Variants in MID2 observed in about 807,000 individuals in gnomAD.
MID2 encodes midline 2.
A neutral mutation model predicts 46.1 loss-of-function variants in MID2; 13 were observed. The observed-to-expected ratio is 0.28, with a 90% confidence interval of 0.18 to 0.45. The LOEUF (loss-of-function observed/expected upper bound fraction) is 0.45. Among genes scored for constraint, MID2 ranks in the 20% least tolerant of loss-of-function variants. The pLI is 1.00. For missense variants in MID2, 431 were observed against 575.4 expected (o/e 0.75, Z 2.57); for synonymous variants, 199 against 212.3 (o/e 0.94, Z 0.55).
At chrX:107,851,011 G>A (rs1054216954) in intron 2 of MID2, among the ~76,000 whole-genome samples, 4 of 112,029 alleles carry the variant, frequency 3.6e-5, no homozygotes, top group Non-Finnish European at 5.6e-5. Context: ...TTTGCTTGGC[G>A]TTCATCAATC....
At chrX:107,883,712 A>G in intron 3 of MID2, among the ~76,000 whole-genome samples, 1 of 112,278 alleles carries the variant, frequency 8.9e-6, no homozygotes, top group Non-Finnish European at 1.9e-5. Context: ...CCTTTTCATT[A>G]CATTGTTTGA....
intron 3 of MID2, among the ~76,000 whole-genome samples, chrX:107,876,484 G>A (rs1472244646): frequency 9.0e-6 from 1 of 111,173 alleles, no homozygotes; most frequent in East Asian, 2.8e-4. Context: ...GGGTAGCTTC[G>A]TATAACTGAG....
chrX:107,843,603 G>C (rs1026860462), intron 2 of MID2, among the ~76,000 whole-genome samples: 3 of 111,330 alleles, frequency 2.7e-5, no homozygotes, highest in Non-Finnish European at 5.7e-5. Context: ...CCAACTGTGT[G>C]GTTCGTTATG....
intron 5 of MID2, among the ~76,000 whole-genome samples, chrX:107,911,877 C>T (rs908076425): frequency 1.8e-5 from 2 of 111,610 alleles, no homozygotes; most frequent in African/African-American, 6.5e-5. Context: ...GGAGGGGCAG[C>T]GGTGTGGAAG....
rs1933196276 is a variant in MID2, at chrX:107,927,144, G to A, written c.*71G>A. 3.2e-6 allele frequency: 3 copies of A among 951,063 alleles called. No individual in the cohort carries two copies. The highest frequency in any genetic ancestry group is 3.1e-5 in the East Asian group (1 of 31,997). The allele number at this position is 951,063 out of a possible 1,213,427, so 78.4% of individuals were successfully genotyped here. On this transcript the variant is annotated 3_prime_UTR_variant, in exon 10 of 10. Transcript: ENST00000262843. ...CTTCCCCTCCTACACCTAAGTTAGCGTTCAATATACGAGACACAAAATAAA... is the reference window on the plus strand; with the variant it reads ...CTTCCCCTCCTACACCTAAGTTAGCATTCAATATACGAGACACAAAATAAA...
chrX:107,857,496 G>A (rs1931765809), intron 3 of MID2, among the ~76,000 whole-genome samples: 1 of 111,651 alleles, frequency 9.0e-6, no homozygotes, highest in African/African-American at 3.3e-5. Flanking sequence ...GCCCAGGCTG[G>A]TCTTGAACTC....
rs775118685 is a variant in MID2, at chrX:107,905,531, T to G, written c.978T>G (p.Leu326=). Residue 326 remains leucine (L), a synonymous_variant, in exon 5 of 10, where the codon CTT becomes CTG. Transcript: ENST00000262843. ...AQQVANCRQC[L]ERSTVLINQA... is the part of the protein sequence containing the mutation. ...AGGTTGCTAATTGCCGCCAGTGTCTTGAACGGTCAACAGTCCTCATCAACC... is the reference window on the plus strand; with the variant it reads ...AGGTTGCTAATTGCCGCCAGTGTCTGGAACGGTCAACAGTCCTCATCAACC... The G allele has an allele frequency of 5.0e-6, 6 of 1,206,936 alleles. No individual in the cohort carries two copies. In the African/African-American group the frequency reaches 1.1e-4, roughly 21 times the overall value.
At chrX:107,834,476 C>T (rs1317736144) in intron 1 of MID2, among the ~76,000 whole-genome samples, 1 of 112,301 alleles carries the variant, frequency 8.9e-6, no homozygotes, top group East Asian at 2.8e-4. Context: ...CCTTAGCATA[C>T]TCTCTAACTC....
intron 3 of MID2, among the ~76,000 whole-genome samples, chrX:107,902,935 C>T (rs773315392): frequency 1.8e-5 from 2 of 110,922 alleles, no homozygotes; most frequent in African/African-American, 3.3e-5. Flanking sequence ...GAACCTCGCC[C>T]GCCCACCCAG....
chrX:107,865,356 A>T (rs1405040601), intron 3 of MID2, among the ~76,000 whole-genome samples: 1 of 112,560 alleles, frequency 8.9e-6, no homozygotes, highest in African/African-American at 3.2e-5. Flanking sequence ...TCTCCAGAGC[A>T]TGCATCATAA....
rs1931452087 is a variant in MID2 at position 107,845,558 on chromosome X, C to T, written c.720+4173C>T. ...TCTCTCTCTCTCTCTCTCTCTCTCT[C>T]AGCAAGACTGGGACAGAGAAAGCTA... On this transcript the variant is annotated intron_variant, in intron 2 of 9. Transcript: ENST00000262843. Among the ~76,000 whole-genome samples, 4 of 108,305 alleles carry T rather than the reference C, an allele frequency of 3.7e-5. No individual in the cohort carries two copies. In the Admixed American group the frequency reaches 4.0e-4, roughly 11 times the overall value. 94.0% of individuals were successfully genotyped at this position (108,305 alleles called of 115,157 possible). A position where few individuals can be genotyped will look rare whatever the true frequency, so the allele number is the denominator to read the frequency against.
intron 3 of MID2, among the ~76,000 whole-genome samples, chrX:107,880,921 A>T (rs142356828): frequency 8.8e-6 from 1 of 113,005 alleles, no homozygotes; most frequent in African/African-American, 3.2e-5. Context: ...TCTCACTGTT[A>T]TAAGTTTTGC....
At chrX:107,861,821 G>T (rs1423777202) in intron 3 of MID2, among the ~76,000 whole-genome samples, 1 of 111,922 alleles carries the variant, frequency 8.9e-6, no homozygotes, top group Non-Finnish European at 1.9e-5. Context: ...ATCCACATAT[G>T]CTTCCCTTCC....
chrX:107,919,443 C>G (rs1238548628), intron 7 of MID2, among the ~76,000 whole-genome samples: 1 of 111,747 alleles, frequency 8.9e-6, no homozygotes, highest in Non-Finnish European at 1.9e-5. Context: ...AGTCCTAGTT[C>G]TGAACTTTTG....
At chrX:107,826,481 C>G (rs1010682459) in intron 1 of MID2, 51 bp downstream of exon 1, 9 of 1,115,480 alleles carry the variant, frequency 8.1e-6, no homozygotes, top group South Asian at 2.1e-5. Context: ...TCGTAGCCCT[C>G]GCAGGGCTAG....
At position 107,928,471 on chromosome X, in the gene MID2, G is replaced by C. The variant is rs1274839414; in HGVS notation, c.*1398G>C. Among the ~76,000 whole-genome samples, 2 of 110,610 alleles carry C rather than the reference G, an allele frequency of 1.8e-5. No homozygotes were observed. The highest frequency in any genetic ancestry group is 5.7e-4 in the East Asian group (2 of 3,531). ...AGAGCCAGAGCTTTCCCCTTTCCAG[G>C]AGCTAAGTTGGCTTCGGAAGTCTTC... On this transcript the variant is annotated 3_prime_UTR_variant, in exon 10 of 10. Coordinates refer to ENST00000262843, the MANE Select transcript of MID2 (RefSeq NM_012216.4).
chrX:107,888,877 C>T (rs2147853812), intron 3 of MID2, among the ~76,000 whole-genome samples: 1 of 111,516 alleles, frequency 9.0e-6, no homozygotes, highest in African/African-American at 3.3e-5. Flanking sequence ...ATGTAATGGC[C>T]TTCTTTGTCT....
chrX:107,848,838 TAAA>T (rs1238155211), intron 2 of MID2, among the ~76,000 whole-genome samples: 3 of 111,964 alleles, frequency 2.7e-5, no homozygotes, highest in Non-Finnish European at 5.6e-5. Context: ...GACAAGCAGT[TAAA>T]AAAAGAAAGC....
chrX:107,917,097 C>T (rs904395845), intron 6 of MID2, among the ~76,000 whole-genome samples: 9 of 111,673 alleles, frequency 8.1e-5, no homozygotes, highest in Non-Finnish European at 1.1e-4. Context: ...GCCGAGATTG[C>T]GCCACTGCAG....
Sources: gnomAD v4.1 joint callset for allele counts (sites outside exome capture counted in the v4.1 genomes callset) on GRCh38, gnomAD v4.1.1 for gene constraint, MANE v1.5 for transcripts, NCBI Gene and HGNC (gene_info 2026-07-23, HGNC 2026-07-21) for gene names.